CNTN4: variants seen among roughly 807,000 people sequenced by gnomAD.
CNTN4 encodes the protein contactin 4, also known as contactin-4.
Under a neutral mutation model 122.5 loss-of-function variants are expected in CNTN4, and 77 were observed. That is an observed-to-expected ratio of 0.63 (90% CI 0.52 to 0.76). The LOEUF (loss-of-function observed/expected upper bound fraction) is 0.76. CNTN4 is among the 30% of genes least tolerant of loss of function. The pLI is 0.00. For synonymous variants in CNTN4, 512 were observed against 447.0 expected (o/e 1.15, Z -1.83); for missense variants, 1,256 against 1,259.1 (o/e 1.00, Z 0.04).
At chr3:2,993,989 T>C (rs1416914725) in intron 14 of CNTN4, among the ~76,000 whole-genome samples, 1 of 152,192 alleles carries the variant, frequency 6.6e-6, no homozygotes, top group Non-Finnish European at 1.5e-5. Flanking sequence ...GGAGGAAAAT[T>C]ACTTGGCAGA....
chr3:2,365,735 A>G (rs1025352155), intron 3 of CNTN4, among the ~76,000 whole-genome samples: 1 of 152,180 alleles, frequency 6.6e-6, no homozygotes, highest in Non-Finnish European at 1.5e-5. Flanking sequence ...AAAAAAATAT[A>G]TATATACCAT....
intron 2 of CNTN4, among the ~76,000 whole-genome samples, chr3:2,218,497 T>C (rs2038937540): frequency 6.6e-6 from 1 of 152,152 alleles, no homozygotes; most frequent in African/African-American, 2.4e-5. Context: ...AGTCACCACA[T>C]GCCATCCAAC....
At chr3:2,520,923 C>G (rs1053144372) in intron 3 of CNTN4, among the ~76,000 whole-genome samples, 8 of 152,038 alleles carry the variant, frequency 5.3e-5, no homozygotes, top group Non-Finnish European at 1.5e-5. Context: ...ACTGTTTGTT[C>G]TAGAGTTCAG....
At position 3,056,289 on chromosome 3, in the gene CNTN4, C is replaced by A; in HGVS notation, c.*69C>A. The A allele has an allele frequency of 2.7e-6, 3 of 1,096,806 alleles. No homozygotes were observed. The highest frequency in any genetic ancestry group is 4.2e-6 in the Non-Finnish European group (3 of 711,872). The allele number at this position is 1,096,806 out of a possible 1,614,324, so 67.9% of individuals were successfully genotyped here. On this transcript the variant is annotated 3_prime_UTR_variant, in exon 25 of 25. Transcript: ENST00000418658. ...TTTAGCTAGTTGTTTTGAAGACACC[C>A]AGTACTAAGTAATATTGTTGTTCAA...
chr3:2,287,008 G>A (rs758915757), intron 2 of CNTN4, among the ~76,000 whole-genome samples: 7 of 152,282 alleles, frequency 4.6e-5, no homozygotes, highest in Non-Finnish European at 8.8e-5. Flanking sequence ...GGAGATATTC[G>A]TAGTTAGATC....
intron 3 of CNTN4, among the ~76,000 whole-genome samples, chr3:2,418,192 G>A (rs547565965): frequency 4.6e-5 from 7 of 152,174 alleles, no homozygotes; most frequent in African/African-American, 1.7e-4. Flanking sequence ...TAAATATACC[G>A]CTGGTGAGGT....
intron 6 of CNTN4, among the ~76,000 whole-genome samples, chr3:2,785,114 TACACACAC>T (rs150765167): frequency 5.8e-5 from 8 of 138,930 alleles, no homozygotes; most frequent in East Asian, 4.1e-4. Flanking sequence ...TGTACATGCG[TACACACAC>T]ACACACACAC....
intron 7 of CNTN4, among the ~76,000 whole-genome samples, chr3:2,850,894 G>A (rs534198477): frequency 6.6e-6 from 1 of 152,086 alleles, no homozygotes; most frequent in Non-Finnish European, 1.5e-5. Context: ...TCCTTGATGT[G>A]TTGGAATAAT....
At chr3:2,510,115 ACTGGCCCCTAAAGGTAACAAAGACC>A (rs954498701) in intron 3 of CNTN4, among the ~76,000 whole-genome samples, 2 of 152,158 alleles carry the variant, frequency 1.3e-5, no homozygotes, top group African/African-American at 2.4e-5. Flanking sequence ...CCAGTTGATC[ACTGGCCCCTAAAGGTAACAAAGACC>A]CTCCATCCCC....
chr3:2,192,959 C>A (rs1457401661), intron 2 of CNTN4, among the ~76,000 whole-genome samples: 1 of 152,144 alleles, frequency 6.6e-6, no homozygotes, highest in South Asian at 2.1e-4. Flanking sequence ...TACAGCTTCA[C>A]TATTAAGATG....
At chr3:2,690,292 G>A (rs1248396332) in intron 4 of CNTN4, among the ~76,000 whole-genome samples, 2 of 152,074 alleles carry the variant, frequency 1.3e-5, no homozygotes, top group East Asian at 1.9e-4. Context: ...CCTTCCCCAC[G>A]AATATTCTCA....
intron 2 of CNTN4, among the ~76,000 whole-genome samples, chr3:2,164,863 C>G (rs1255092057): frequency 6.6e-6 from 1 of 151,710 alleles, no homozygotes; most frequent in African/African-American, 2.4e-5. Context: ...TTAAAAAAAA[C>G]AAAACAAAAC....
rs563824753 is a variant in CNTN4 at position 2,924,796 on chromosome 3, C to T, written c.1208-833C>T. Among the ~76,000 whole-genome samples, 101 of 152,224 alleles carry T rather than the reference C, an allele frequency of 6.6e-4. 3 individuals are homozygous for T. In the South Asian group the frequency reaches 0.021, roughly 31 times the overall value. On this transcript the variant is annotated intron_variant, in intron 12 of 24. Coordinates refer to ENST00000418658, the MANE Select transcript of CNTN4 (RefSeq NM_175607.3). ...TGGGCACTTGCAGTGAAAAGCTAAA[C>T]AAAACCCTGTGTTTAAGAAGCTTAC...
chr3:2,873,216 A>C (rs1166390990), intron 8 of CNTN4, among the ~76,000 whole-genome samples: 1 of 152,222 alleles, frequency 6.6e-6, no homozygotes, highest in Admixed American at 6.5e-5. Flanking sequence ...TGGGTGATTT[A>C]TAATAAGTTC....
At chr3:2,889,333 T>C (rs1157890554) in intron 10 of CNTN4, among the ~76,000 whole-genome samples, 3 of 152,216 alleles carry the variant, frequency 2.0e-5, no homozygotes, top group African/African-American at 7.2e-5. Context: ...TCTTTTATCA[T>C]TCGTCTGTCT....
At chr3:2,769,973 G>A (rs1227095922) in intron 6 of CNTN4, among the ~76,000 whole-genome samples, 3 of 151,790 alleles carry the variant, frequency 2.0e-5, no homozygotes, top group African/African-American at 4.8e-5. Context: ...TCCTGTTGCT[G>A]AAGAACAAGG....
intron 10 of CNTN4, among the ~76,000 whole-genome samples, chr3:2,893,858 G>A (rs2094075154): frequency 6.6e-6 from 1 of 152,012 alleles, no homozygotes; most frequent in East Asian, 1.9e-4. Context: ...CTAAGCAGGA[G>A]GGCTCAAACT....
At chr3:2,256,485 C>CA (rs1553610302) in intron 2 of CNTN4, among the ~76,000 whole-genome samples, 1 of 152,012 alleles carries the variant, frequency 6.6e-6, no homozygotes, top group Non-Finnish European at 1.5e-5. Context: ...AGAGACACAA[C>CA]AAAAAAAGAA....
chr3:2,438,756 C>T (rs1461564672), intron 3 of CNTN4, among the ~76,000 whole-genome samples: 1 of 152,116 alleles, frequency 6.6e-6, no homozygotes, highest in East Asian at 1.9e-4. Flanking sequence ...GCGGTAATAG[C>T]AGGCTAAAGA....
Sources: allele counts gnomAD v4.1 joint callset (sites outside exome capture counted in the v4.1 genomes callset), GRCh38; gene constraint gnomAD v4.1.1; transcripts MANE v1.5; gene names NCBI Gene and HGNC (gene_info 2026-07-23, HGNC 2026-07-21).